HSPA12A: variants seen among roughly 807,000 people sequenced by gnomAD.
HSPA12A encodes heat shock 70 kDa protein 12A.
Under a neutral mutation model 69.2 loss-of-function variants are expected in HSPA12A, and 28 were observed. The ratio of observed to expected loss-of-function variants is 0.40; its 90% CI spans 0.30 to 0.55. The LOEUF (loss-of-function observed/expected upper bound fraction) is 0.55. Ranked by LOEUF, HSPA12A falls within the 20% of genes least tolerant of loss-of-function variation. HSPA12A has a pLI of 0.38. For synonymous variants in HSPA12A, 345 were observed against 370.5 expected (o/e 0.93, Z 0.79); for missense variants, 686 against 900.7 (o/e 0.76, Z 3.05).
intron 1 of HSPA12A, among the ~76,000 whole-genome samples, chr10:116,730,688 C>G (rs1333258663): frequency 1.3e-5 from 2 of 152,258 alleles, no homozygotes; most frequent in Non-Finnish European, 2.9e-5. Flanking sequence ...GACTCCTTCC[C>G]CAGCCATGCC....
At chr10:116,849,787 G>GCTGCGGCAACGCCTTGCGC (rs1260549391), upstream of HSPA12A, 2 of 1,458,210 alleles carry the variant, frequency 1.4e-6, no homozygotes, top group Admixed American at 2.5e-5. Context: ...CCCGCCCCGC[G>GCTGCGGCAACGCCTTGCGC]CTGCGGCAAC....
intron 2 of HSPA12A, among the ~76,000 whole-genome samples, chr10:116,813,088 A>G (rs1049589277): frequency 6.6e-6 from 1 of 151,972 alleles, no homozygotes; most frequent in African/African-American, 2.4e-5. Context: ...GCCACAGGGG[A>G]GATGCCCTGA....
intron 6 of HSPA12A, among the ~76,000 whole-genome samples, 165 bp downstream of exon 6, chr10:116,692,186 G>A (rs1554880206): frequency 1.3e-5 from 2 of 152,180 alleles, no homozygotes; most frequent in Non-Finnish European, 2.9e-5. Context: ...TGAGGAAAGG[G>A]ATGGCTCCTT....
At chr10:116,678,434 T>C (rs998918518) in intron 10 of HSPA12A, among the ~76,000 whole-genome samples, 14 of 143,878 alleles carry the variant, frequency 9.7e-5, no homozygotes, top group Admixed American at 2.8e-4. Context: ...GCCCAGATGA[T>C]AGGAAACTCC....
chr10:116,756,247 G>C (rs1843847661), intron 2 of HSPA12A, among the ~76,000 whole-genome samples: 1 of 152,210 alleles, frequency 6.6e-6, no homozygotes, highest in South Asian at 2.1e-4. Flanking sequence ...GTAGGGGGCT[G>C]TATCCTAACT....
At chr10:116,759,937 T>G (rs1057495993) in intron 2 of HSPA12A, among the ~76,000 whole-genome samples, 1 of 152,224 alleles carries the variant, frequency 6.6e-6, no homozygotes, top group Admixed American at 6.5e-5. Flanking sequence ...ATGTGAGATG[T>G]GCCTTTCACC....
At position 116,723,339 on chromosome 10, in the gene HSPA12A, G is replaced by A. The variant is rs997595409; in HGVS notation, c.41-16054C>T. Among the ~76,000 whole-genome samples the A allele has an allele frequency of 2.6e-5, 4 of 152,150 alleles. No individual in the cohort carries two copies. The East Asian group carries it at 5.8e-4, about 22-fold the overall frequency. ...GCTGTCTGCAGGGAGAGAGGGGCCC[G>A]CTGACCTTCACGTGGGAGGATTTGA... On this transcript the variant is annotated intron_variant, in intron 1 of 11. Coordinates refer to ENST00000369209, the MANE Select transcript of HSPA12A (RefSeq NM_025015.3). The surrounding 1 kb of genome is among the most constrained non-coding windows in gnomAD (Gnocchi z 4.1).
chr10:116,721,943 T>A (rs1665654), intron 1 of HSPA12A, among the ~76,000 whole-genome samples: 1 of 152,204 alleles, frequency 6.6e-6, no homozygotes, highest in Non-Finnish European at 1.5e-5. Flanking sequence ...CATCAGTCTC[T>A]GCAGTCCTTG....
rs1411812288 is a variant in HSPA12A, at chr10:116,686,509, C to T, written c.664-2547G>A. Among the ~76,000 whole-genome samples, 9 of 152,180 alleles carry T rather than the reference C, an allele frequency of 5.9e-5. No individual in the cohort carries two copies. Among genetic ancestry groups the T allele is most frequent in the African/African-American group, 2.2e-4 (9 of 41,444 alleles). Reference sequence around the variant, plus strand: ...AATAAACTGGGGATGGCAGTAGACCCATGAGTGGAGCCCAAGGAGTTGGTG... The same window carrying T: ...AATAAACTGGGGATGGCAGTAGACCTATGAGTGGAGCCCAAGGAGTTGGTG... On this transcript the variant is annotated intron_variant, in intron 6 of 11. Transcript: ENST00000369209. The surrounding 1 kb of genome is among the most constrained non-coding windows in gnomAD (Gnocchi z 4.1).
chr10:116,796,165 AAG>A (rs1491362783), intron 2 of HSPA12A, among the ~76,000 whole-genome samples: 4 of 137,620 alleles, frequency 2.9e-5, no homozygotes, highest in Admixed American at 7.3e-5. Context: ...AAAAAAAAAA[AAG>A]AAAGAAAGAA....
chr10:116,824,599 G>A (rs552496922), intron 2 of HSPA12A, among the ~76,000 whole-genome samples: 20 of 152,316 alleles, frequency 1.3e-4, no homozygotes, highest in Admixed American at 1.1e-3. Context: ...GGGCTCAGTG[G>A]CTCACGCCTG....
At chr10:116,762,334 C>T (rs1354986123) in intron 2 of HSPA12A, among the ~76,000 whole-genome samples, 1 of 152,226 alleles carries the variant, frequency 6.6e-6, no homozygotes, top group East Asian at 1.9e-4. Context: ...TCCATTTCTA[C>T]CCTGCTGCAA....
chr10:116,720,321 C>G (rs1850736074), intron 1 of HSPA12A, among the ~76,000 whole-genome samples: 1 of 152,172 alleles, frequency 6.6e-6, no homozygotes, highest in Admixed American at 6.5e-5. Context: ...CTCCCAGGAC[C>G]CATCCAGTGG....
chr10:116,819,499 G>GAGAGCTGAC (rs1212294565), intron 2 of HSPA12A, among the ~76,000 whole-genome samples: 3 of 152,186 alleles, frequency 2.0e-5, no homozygotes, highest in African/African-American at 7.2e-5. Flanking sequence ...CCTTATAAAA[G>GAGAGCTGAC]AGAGCTGACG....
chr10:116,850,090 C>T, upstream of HSPA12A: 1 of 405,496 alleles, frequency 2.5e-6, no homozygotes, highest in South Asian at 2.2e-5. Context: ...TTAACACATA[C>T]CTTAATGCCC....
At chr10:116,801,855 A>G (rs1226810148) in intron 2 of HSPA12A, among the ~76,000 whole-genome samples, 2 of 152,198 alleles carry the variant, frequency 1.3e-5, no homozygotes, top group East Asian at 3.9e-4. Context: ...TTAGGTGGGA[A>G]GCCATCTCTG....
intron 1 of HSPA12A, among the ~76,000 whole-genome samples, chr10:116,837,891 T>C (rs2133218437): frequency 6.6e-6 from 1 of 152,332 alleles, no homozygotes; most frequent in Admixed American, 6.5e-5. Flanking sequence ...GTTGATAGCC[T>C]TTTAAACAGG....
At chr10:116,751,583 T>C (rs2133087035) in intron 2 of HSPA12A, among the ~76,000 whole-genome samples, 1 of 152,244 alleles carries the variant, frequency 6.6e-6, no homozygotes, top group Middle Eastern at 3.4e-3. Context: ...CCCAAATTAA[T>C]TTGTAAAAAT....
intron 2 of HSPA12A, among the ~76,000 whole-genome samples, chr10:116,790,715 G>C (rs1055589664): frequency 6.6e-6 from 1 of 152,004 alleles, no homozygotes; most frequent in Non-Finnish European, 1.5e-5. Context: ...TATTGAGACA[G>C]AGTCTCACTC....
Sources: allele counts gnomAD v4.1 joint callset (sites outside exome capture counted in the v4.1 genomes callset), GRCh38; gene constraint gnomAD v4.1.1; non-coding constraint Gnocchi (gnomAD v3.1); transcripts MANE v1.5; gene names NCBI Gene and HGNC (gene_info 2026-07-23, HGNC 2026-07-21).